Variants in NRG1 observed in about 807,000 individuals in gnomAD.
The protein encoded by NRG1 is pro-neuregulin-1, membrane-bound isoform.
NRG1 carries 18 observed loss-of-function variants against 63.8 expected under a neutral mutation model. That is an observed-to-expected ratio of 0.28 (90% confidence interval 0.19 to 0.42). The LOEUF (loss-of-function observed/expected upper bound fraction) is 0.42, where lower values mean the gene tolerates loss of function less well. Among genes scored for constraint, NRG1 ranks in the 10% least tolerant of loss-of-function variants. The pLI, the probability that NRG1 is intolerant of heterozygous loss-of-function variation, is 1.00. For synonymous variants in NRG1, 302 were observed against 301.3 expected, an observed-to-expected ratio of 1.00 and a Z score of -0.02; for missense variants, 762 against 814.7, an observed-to-expected ratio of 0.94 and a Z score of 0.79.
intron 1 of NRG1, among the ~76,000 whole-genome samples, chr8:31,670,106 C>A (rs1806970198): frequency 6.6e-6 from 1 of 152,130 alleles, no homozygotes; most frequent in Non-Finnish European, 1.5e-5. Context: ...GCATTTAGTT[C>A]CTTTTCATTT....
intron 1 of NRG1, among the ~76,000 whole-genome samples, chr8:32,360,198 T>C (rs1388035136): frequency 6.6e-6 from 1 of 152,306 alleles, no homozygotes; most frequent in East Asian, 1.9e-4. Context: ...AAACCTGTAA[T>C]AGTCCCACAG....
intron 1 of NRG1, among the ~76,000 whole-genome samples, chr8:31,741,383 T>C (rs1054930355): frequency 3.3e-5 from 5 of 151,534 alleles, no homozygotes; most frequent in African/African-American, 7.3e-5. Flanking sequence ...TGAAAGTAAA[T>C]AAATAGATAA....
chr8:32,337,875 AAGG>A (rs1352977910), intron 1 of NRG1, among the ~76,000 whole-genome samples: 1 of 152,052 alleles, frequency 6.6e-6, no homozygotes, highest in Non-Finnish European at 1.5e-5. Context: ...AGATTTAGGA[AAGG>A]AGATTGAAAT....
chr8:31,914,295 CTT>C (rs34010920), intron 1 of NRG1, among the ~76,000 whole-genome samples: 253 of 147,860 alleles, frequency 1.7e-3, no homozygotes, highest in Middle Eastern at 3.5e-3. Flanking sequence ...TTATGTCACC[CTT>C]TTTTTTTTTT....
chr8:32,096,950 C>G (rs1488182851), intron 1 of NRG1, among the ~76,000 whole-genome samples: 1 of 151,686 alleles, frequency 6.6e-6, no homozygotes, highest in East Asian at 1.9e-4. Flanking sequence ...TTTATTCCTT[C>G]TATCTAACTG....
intron 1 of NRG1, among the ~76,000 whole-genome samples, chr8:31,752,257 A>G (rs987134077): frequency 2.0e-5 from 3 of 152,084 alleles, no homozygotes; most frequent in Non-Finnish European, 4.4e-5. Context: ...GTTATGGGCA[A>G]GAGAATGCTT....
chr8:31,887,167 G>T (rs1004139622), intron 1 of NRG1, among the ~76,000 whole-genome samples: 6 of 152,132 alleles, frequency 3.9e-5, no homozygotes, highest in Middle Eastern at 3.4e-3. Flanking sequence ...TTACAGAAAA[G>T]GCTGAAAATC....
At chr8:32,255,681 G>A (rs948795756) in intron 1 of NRG1, among the ~76,000 whole-genome samples, 1 of 152,140 alleles carries the variant, frequency 6.6e-6, no homozygotes, top group African/African-American at 2.4e-5. Context: ...TGACGATTGT[G>A]TGTCTTGGGG....
chr8:32,220,532 TA>T (rs1586176670), intron 1 of NRG1, among the ~76,000 whole-genome samples: 3 of 151,780 alleles, frequency 2.0e-5, no homozygotes, highest in Non-Finnish European at 2.9e-5. Flanking sequence ...GCAATGAAAA[TA>T]AAAAGCCCCA....
At chr8:31,680,886 A>G (rs963779341) in intron 1 of NRG1, among the ~76,000 whole-genome samples, 6 of 152,188 alleles carry the variant, frequency 3.9e-5, no homozygotes, top group African/African-American at 1.4e-4. Flanking sequence ...GCCCGCACAC[A>G]GAACAGCGAA....
chr8:32,605,649 T>C (rs140537599), exon 3 of NRG1: 1 of 1,613,378 alleles, frequency 6.2e-7, no homozygotes, highest in Non-Finnish European at 8.5e-7. Context: ...GAAATGACAG[T>C]GCCTCTGCCA....
In NRG1 at chr8:32,742,613, T is replaced by G; in HGVS notation, c.633-62T>G. On this transcript the variant is annotated intron_variant, in intron 6 of 11. Coordinates refer to ENST00000356819, the Ensembl canonical transcript of NRG1. This position sits in a 1 kb window ranked among gnomAD's most constrained non-coding sequence, Gnocchi z 4.2. Reference sequence around the variant, plus strand: ...ACACTGAAGGAGCTTCTTTCTAGCATATATTCACCTCTTCTCTTTTTCTCT... The same window carrying G: ...ACACTGAAGGAGCTTCTTTCTAGCAGATATTCACCTCTTCTCTTTTTCTCT... The G allele has an allele frequency of 1.4e-6, 2 of 1,474,088 alleles. No homozygotes were observed. Among genetic ancestry groups the G allele is most frequent in the South Asian group, 1.1e-5 (1 of 87,958 alleles). 91.3% of individuals were successfully genotyped at this position (1,474,088 alleles called of 1,614,324 possible). A position where few individuals can be genotyped will look rare whatever the true frequency, so the allele number is the denominator to read the frequency against.
chr8:32,687,154 A>C (rs923612007), intron 5 of NRG1, among the ~76,000 whole-genome samples: 2 of 152,242 alleles, frequency 1.3e-5, no homozygotes, highest in African/African-American at 2.4e-5. Context: ...AGAAAAGATA[A>C]TTAGCAGAGA....
At chr8:31,654,814 A>G (rs976221609) in intron 1 of NRG1, among the ~76,000 whole-genome samples, 5 of 152,102 alleles carry the variant, frequency 3.3e-5, no homozygotes, top group African/African-American at 1.2e-4. Context: ...GGTGGTGTGC[A>G]CCTTCAGTCC....
intron 1 of NRG1, among the ~76,000 whole-genome samples, chr8:32,320,880 C>A (rs1286506156): frequency 1.3e-5 from 2 of 152,114 alleles, no homozygotes; most frequent in Non-Finnish European, 1.5e-5. Context: ...TACTAGCGAT[C>A]AACAGCTTTG....
intron 1 of NRG1, among the ~76,000 whole-genome samples, chr8:31,746,062 T>G (rs1387778990): frequency 6.6e-6 from 1 of 151,928 alleles, no homozygotes; most frequent in Non-Finnish European, 1.5e-5. Flanking sequence ...TCAAGCGTGG[T>G]TGAATCTTAA....
intron 1 of NRG1, among the ~76,000 whole-genome samples, chr8:31,815,324 A>G (rs911990323): frequency 1.3e-5 from 2 of 152,138 alleles, no homozygotes; most frequent in African/African-American, 4.8e-5. Flanking sequence ...AGTACTTCAT[A>G]TAAGCGGTAT....
chr8:31,935,491 C>T (rs1193203334), intron 1 of NRG1, among the ~76,000 whole-genome samples: 2 of 152,136 alleles, frequency 1.3e-5, no homozygotes, highest in African/African-American at 4.8e-5. Flanking sequence ...CTCCTGTGTT[C>T]AAGTGGTCCT....
chr8:32,271,709 G>A (rs531962384), intron 1 of NRG1, among the ~76,000 whole-genome samples: 33 of 152,280 alleles, frequency 2.2e-4, no homozygotes, highest in Non-Finnish European at 3.7e-4. Flanking sequence ...GCTTTGGGGT[G>A]TGTTCCCAAA....
Sources: allele counts gnomAD v4.1 joint callset (sites outside exome capture counted in the v4.1 genomes callset), GRCh38; gene constraint gnomAD v4.1.1; non-coding constraint Gnocchi (gnomAD v3.1); transcripts MANE v1.5; gene names NCBI Gene and HGNC (gene_info 2026-07-23, HGNC 2026-07-21).